MMD2: variants seen among roughly 807,000 people sequenced by gnomAD.
MMD2 encodes the protein monocyte to macrophage differentiation factor 2.
A neutral mutation model predicts 33.5 loss-of-function variants in MMD2; 30 were observed. The observed-to-expected ratio is 0.90, with a 90% confidence interval of 0.67 to 1.22. The LOEUF (loss-of-function observed/expected upper bound fraction) is 1.22. MMD2 is among the 50% of genes most tolerant of loss of function. The pLI is 0.00. For missense variants in MMD2, 364 were observed against 325.4 expected (o/e 1.12, Z -0.91); for synonymous variants, 129 against 123.0 (o/e 1.05, Z -0.32).
intron 1 of MMD2, among the ~76,000 whole-genome samples, chr7:4,956,651 C>A (rs763125277): frequency 6.6e-6 from 1 of 152,046 alleles, no homozygotes; most frequent in African/African-American, 2.4e-5. Flanking sequence ...GAGCAGCCAG[C>A]GCAAGTGTCC....
At chr7:4,931,135 G>A (rs1019631190) in intron 1 of MMD2, among the ~76,000 whole-genome samples, 18 of 152,124 alleles carry the variant, frequency 1.2e-4, no homozygotes, top group African/African-American at 4.3e-4. Context: ...ACAGGCGTGA[G>A]CCACTGTGCC....
intron 1 of MMD2, 117 bp downstream of exon 1, chr7:4,958,854 C>T (rs1414259795): frequency 6.5e-6 from 6 of 917,974 alleles, no homozygotes; most frequent in Non-Finnish European, 8.6e-6. Context: ...GTCAGGGGTC[C>T]GCCGATCCCC....
intron 5 of MMD2, among the ~76,000 whole-genome samples, chr7:4,910,236 C>T (rs546291660): frequency 1.3e-5 from 2 of 152,258 alleles, no homozygotes; most frequent in Non-Finnish European, 2.9e-5. Flanking sequence ...GCATAGCACA[C>T]ACATGGGCAC....
Position 4,925,451 on chromosome 7 carries a change from A to C in MMD2, c.129T>G (p.Ala43=), listed in dbSNP as rs1295112736. 1 of 1,538,364 alleles carries C rather than the reference A, an allele frequency of 6.5e-7. No individual in the cohort carries two copies. The highest frequency in any genetic ancestry group is 8.8e-7 in the Non-Finnish European group (1 of 1,138,564). The part of the protein sequence containing the change: ...YEHAANCATH[A]FWIIPSILGS... ...CTGAGCCCCCCAAAAGCCAACTCAC[A>C]GCATGGGTGGCACAGTTGGCCGCAT... is the stretch of plus-strand genomic sequence containing the variant. Residue 43 remains alanine (A), a splice_region_variant and synonymous_variant, in exon 2 of 7, where the codon GCT becomes GCG. Transcript: ENST00000401401.
intron 2 of MMD2, among the ~76,000 whole-genome samples, chr7:4,920,898 T>G (rs961384050): frequency 3.9e-5 from 6 of 151,906 alleles, no homozygotes; most frequent in Admixed American, 3.9e-4. Flanking sequence ...TTATATTTTT[T>G]ATAGAGGTGG....
chr7:4,957,790 T>C (rs910901602), intron 1 of MMD2, among the ~76,000 whole-genome samples: 5 of 152,208 alleles, frequency 3.3e-5, no homozygotes, highest in African/African-American at 7.2e-5. Context: ...AGACTCATCA[T>C]GTCCCCCAGG....
At position 4,959,024 on chromosome 7, in the gene MMD2, G is replaced by T. The variant is rs1436250006; in HGVS notation, c.-7C>A. The T allele has an allele frequency of 1.6e-6, 2 of 1,264,800 alleles. No homozygotes were observed. Among genetic ancestry groups the T allele is most frequent in the Non-Finnish European group, 2.0e-6 (2 of 997,028 alleles). The allele number at this position is 1,264,800 out of a possible 1,614,324, so 78.3% of individuals were successfully genotyped here. A position where few individuals can be genotyped will look rare whatever the true frequency, so the allele number is the denominator to read the frequency against. On this transcript the variant is annotated 5_prime_UTR_variant, in exon 1 of 7. Transcript: ENST00000401401. ...GCAGCCGGGGGGCGAACATCGCGGC[G>T]CTTCCATGGGAATCTGGCCCCGGGC...
chr7:4,929,564 G>A lies in MMD2; in HGVS notation c.48-4032C>T, dbSNP rs188706902. 2.8e-3 allele frequency among the ~76,000 whole-genome samples: 421 copies of A among 151,558 alleles called. 2 individuals carry two copies. The highest frequency in any genetic ancestry group is 9.3e-3 in the African/African-American group (385 of 41,340). Reference sequence around the variant, plus strand: ...TTTTGAGACGGAGTCTTGCTCTGTCGCCCAGGCTGGAGTGCAATGGCGCTG... The same window carrying A: ...TTTTGAGACGGAGTCTTGCTCTGTCACCCAGGCTGGAGTGCAATGGCGCTG... On this transcript the variant is annotated intron_variant, in intron 1 of 6. Transcript: ENST00000401401.
At chr7:4,900,782 T>A in the MMD2 span, among the ~76,000 whole-genome samples, 10 of 152,136 alleles carry the variant, frequency 6.6e-5, no homozygotes, top group African/African-American at 2.2e-4. Context: ...GGACTCCTCC[T>A]GCCGCCTCCT....
intron 1 of MMD2, among the ~76,000 whole-genome samples, chr7:4,947,253 A>G (rs142949462): frequency 2.6e-5 from 4 of 152,190 alleles, no homozygotes; most frequent in East Asian, 3.9e-4. Flanking sequence ...TTGGTTCATG[A>G]TTCTGCAGGC....
intron 1 of MMD2, among the ~76,000 whole-genome samples, chr7:4,931,719 C>T (rs908790637): frequency 2.6e-5 from 4 of 151,968 alleles, no homozygotes; most frequent in African/African-American, 9.7e-5. Context: ...TACATGCCAC[C>T]ACACCCAGCT....
intron 3 of MMD2, among the ~76,000 whole-genome samples, chr7:4,917,757 T>G (rs1158931766): frequency 6.6e-6 from 1 of 152,092 alleles, no homozygotes; most frequent in Non-Finnish European, 1.5e-5. Flanking sequence ...ATTTTTATGA[T>G]GACCTCACCT....
At chr7:4,952,119 A>G (rs995050743) in intron 1 of MMD2, among the ~76,000 whole-genome samples, 2 of 152,152 alleles carry the variant, frequency 1.3e-5, no homozygotes, top group African/African-American at 4.8e-5. Context: ...CACACGCCAG[A>G]CCATGCTGGC....
At chr7:4,947,691 C>A (rs1435361421) in intron 1 of MMD2, among the ~76,000 whole-genome samples, 1 of 96,256 alleles carries the variant, frequency 1.0e-5, no homozygotes, top group Non-Finnish European at 2.0e-5. Flanking sequence ...CTGCACCTGG[C>A]CTTTTTTTTT....
intron 1 of MMD2, among the ~76,000 whole-genome samples, chr7:4,934,547 A>C (rs1785685570): frequency 6.6e-6 from 1 of 152,168 alleles, no homozygotes; most frequent in Non-Finnish European, 1.5e-5. Flanking sequence ...GGTTAAACTA[A>C]AGGAGGGAAG....
At chr7:4,938,002 C>CTT (rs1165504272) in intron 1 of MMD2, among the ~76,000 whole-genome samples, 834 of 45,662 alleles carry the variant, frequency 0.018, 88 homozygotes, top group Non-Finnish European at 0.024. Context: ...TTCTTTCTTT[C>CTT]TTTTTTTTTT....
chr7:4,913,617 C>G (rs1314309816), intron 4 of MMD2, among the ~76,000 whole-genome samples: 1 of 148,802 alleles, frequency 6.7e-6, no homozygotes, highest in Non-Finnish European at 1.5e-5. Flanking sequence ...ATTTGGGAGG[C>G]TCAGGCAGGA....
At chr7:4,927,919 C>T (rs965806383) in intron 1 of MMD2, among the ~76,000 whole-genome samples, 1 of 152,154 alleles carries the variant, frequency 6.6e-6, no homozygotes, top group African/African-American at 2.4e-5. Flanking sequence ...CCCTGGTTGA[C>T]TCCGACGTCT....
intron 1 of MMD2, among the ~76,000 whole-genome samples, chr7:4,947,421 T>A (rs1583399137): frequency 6.8e-6 from 1 of 146,860 alleles, no homozygotes; most frequent in Non-Finnish European, 1.5e-5. Context: ...TGAGACAGGG[T>A]CTCGCTCTGT....
Sources: allele counts gnomAD v4.1 joint callset (sites outside exome capture counted in the v4.1 genomes callset), GRCh38; gene constraint gnomAD v4.1.1; transcripts MANE v1.5; gene names NCBI Gene and HGNC (gene_info 2026-07-23, HGNC 2026-07-21).